The following THBS3 variants were observed in gnomAD, a reference collection of about 807,000 sequenced individuals.
THBS3 encodes thrombospondin 3.
In THBS3, 78 loss-of-function variants were observed where a neutral mutation model predicts 118.3. That is an observed-to-expected ratio of 0.66 (90% CI 0.55 to 0.80). The LOEUF (loss-of-function observed/expected upper bound fraction) is 0.80, where lower values mean the gene tolerates loss of function less well. Ranked by LOEUF, THBS3 falls within the 30% of genes least tolerant of loss-of-function variation. The pLI, the probability that THBS3 is intolerant of heterozygous loss-of-function variation, is 0.00. For synonymous variants in THBS3, 427 were observed against 475.3 expected, an observed-to-expected ratio of 0.90 and a Z score of 1.32; for missense variants, 1,057 against 1,247.4, an observed-to-expected ratio of 0.85 and a Z score of 2.30.
intron 21 of THBS3, 86 bp downstream of exon 21, chr1:155,196,955 A>G: frequency 1.5e-6 from 2 of 1,371,920 alleles, no homozygotes; most frequent in Non-Finnish European, 2.0e-6. Flanking sequence ...GTTCCCACCC[A>G]TGGAGAGGTC....
In THBS3 at chr1:155,201,129, G is replaced by C. The variant is rs756283825; in HGVS notation, c.1405C>G (p.Leu469Val). 1 of 1,614,230 alleles carries C rather than the reference G, an allele frequency of 6.2e-7. No individual in the cohort carries two copies. The highest frequency in any genetic ancestry group is 1.1e-5 in the South Asian group (1 of 91,092). Residue 469 changes from leucine (L) to valine (V), a missense_variant, in exon 12 of 23, where the codon CTG (leucine) becomes GTG (valine). Coordinates refer to ENST00000368378, the MANE Select transcript of THBS3 (RefSeq NM_007112.5). ...TDIDGYPDQALPCMDNNKHCK... is the reference protein window; with the variant it reads ...TDIDGYPDQAVPCMDNNKHCK... ...TGTTTGTTGTTGTCCATGCAGGGCAGTGCTTGGTCTGGGTAGCCATCGATG... is the reference window on the plus strand; with the variant it reads ...TGTTTGTTGTTGTCCATGCAGGGCACTGCTTGGTCTGGGTAGCCATCGATG...
chr1:155,207,407 C>T (rs1012052931), intron 1 of THBS3, among the ~76,000 whole-genome samples: 1 of 152,098 alleles, frequency 6.6e-6, no homozygotes, highest in African/African-American at 2.4e-5. Context: ...TTGGTCCCCA[C>T]CCCCGCCCTG....
chr1:155,202,566 C>T lies in THBS3; in HGVS notation c.958-165G>A, dbSNP rs1191234541. ...CCCCACTTCCCTCGGGGTTCCCTCT[C>T]TCCCTCCCCATGCCACTGGTCACCA... On this transcript the variant is annotated intron_variant, in intron 8 of 22. Transcript: ENST00000368378. The surrounding 1 kb of genome is among the most constrained non-coding windows in gnomAD (Gnocchi z 5.5). 2.0e-5 allele frequency: 23 copies of T among 1,154,744 alleles called. No individual in the cohort carries two copies. Among genetic ancestry groups the T allele is most frequent in the Non-Finnish European group, 2.7e-5 (23 of 839,022 alleles). The allele number at this position is 1,154,744 out of a possible 1,614,324, so 71.5% of individuals were successfully genotyped here.
In THBS3 at chr1:155,205,240, G is replaced by T; in HGVS notation, c.363C>A (p.Arg121=). The part of the protein sequence containing the change: ...NLQQAGLADG[R]THTVLLRLRG... ...GGAGTCGCAGGAGAACTGTGTGTGT[G>T]CGCCCATCAGCCAGGCCCGCTTGCT... The change falls in exon 3 of 23, where the codon CGC becomes CGA. Residue 121 remains arginine, a synonymous_variant. Transcript: ENST00000368378. 6.2e-7 allele frequency: 1 copy of T among 1,614,130 alleles called. No homozygotes were observed. Among genetic ancestry groups the T allele is most frequent in the Non-Finnish European group, 8.5e-7 (1 of 1,180,012 alleles).
Position 155,198,105 on chromosome 1 carries a change from C to G in THBS3, c.2190G>C (p.Gln730His), listed in dbSNP as rs1367431779. The change falls in exon 18 of 23, where the codon CAG (glutamine) becomes CAC (histidine). Residue 730 changes from glutamine (Q) to histidine (H), a missense_variant. Coordinates refer to ENST00000368378, the MANE Select transcript of THBS3 (RefSeq NM_007112.5). The part of the protein sequence containing the change: ...EVTLTDFRAY[Q>H]TVVLDPEGDA... ...CACCCTCAGGATCCAGGACGACGGT[C>G]TGATAGGCCCGAAAATCCGTAAGCG... 1.2e-6 allele frequency: 2 copies of G among 1,614,182 alleles called. No individual in the cohort carries two copies. The highest frequency in any genetic ancestry group is 4.5e-5 in the East Asian group (2 of 44,888).
At position 155,198,573 on chromosome 1, in the gene THBS3, T is replaced by C. The variant is rs1669088247; in HGVS notation, c.1910A>G (p.Asp637Gly). ...SDGDGHQDTK[D>G]NCPQLPNSSQ... ...GCTATTTGGCAGCTGTGGGCAGTTGTCCTTGGTGTCCTGATGCCCATCCCC... is the reference window on the plus strand; with the variant it reads ...GCTATTTGGCAGCTGTGGGCAGTTGCCCTTGGTGTCCTGATGCCCATCCCC... Residue 637 changes from aspartate to glycine, a missense_variant, in exon 17 of 23, where the codon GAC becomes GGC. Coordinates refer to ENST00000368378, the MANE Select transcript of THBS3 (RefSeq NM_007112.5). 1.2e-6 allele frequency: 2 copies of C among 1,614,184 alleles called. No individual in the cohort carries two copies. Among genetic ancestry groups the C allele is most frequent in the East Asian group, 4.5e-5 (2 of 44,886 alleles).
In THBS3 at chr1:155,200,927, A is replaced by G; in HGVS notation, c.1518T>C (p.Asp506=). ...CATTCTTGATCCCATCCCCATCAGC[A>G]TCATCATCACACTGGTCCCCCACAC... ...NDGVGDQCDD[D]ADGDGIKNVE... The change falls in exon 13 of 23, where the codon GAT becomes GAC. Residue 506 remains aspartate (D), a synonymous_variant. Transcript: ENST00000368378. 6.2e-7 allele frequency: 1 copy of G among 1,614,020 alleles called. No individual in the cohort carries two copies. Among genetic ancestry groups the G allele is most frequent in the Non-Finnish European group, 8.5e-7 (1 of 1,179,988 alleles).
chr1:155,202,151 A>G lies in THBS3; in HGVS notation c.1098+110T>C. ...AACATTAAGCCCAGACCCAAAGCCG[A>G]TGCAAAGCCATCCATGTCCCATTCA... On this transcript the variant is annotated intron_variant, in intron 9 of 22. Transcript: ENST00000368378. This position sits in a 1 kb window ranked among gnomAD's most constrained non-coding sequence, Gnocchi z 5.5. The G allele has an allele frequency of 6.3e-7, 1 of 1,598,024 alleles. No individual in the cohort carries two copies. Among genetic ancestry groups the G allele is most frequent in the Non-Finnish European group, 8.5e-7 (1 of 1,170,294 alleles).
At position 155,203,237 on chromosome 1, in the gene THBS3, C is replaced by G; in HGVS notation, c.742G>C (p.Asp248His). ...CCCACCCAAACCTGGTCTCGTATAT[C>G]ATCCCGCAGCTCCACCAGGATCTGG... ...FNQILVELRD[D>H]IRDQVKEMSL... Residue 248 changes from aspartate to histidine, a missense_variant, in exon 6 of 23, where the codon GAT becomes CAT. This residue lies in a region of THBS3 where 544 missense variants were observed against 715.6 expected (regional missense o/e 0.76). Coordinates refer to ENST00000368378, the MANE Select transcript of THBS3 (RefSeq NM_007112.5). 1 of 1,614,226 alleles carries G rather than the reference C, an allele frequency of 6.2e-7. No homozygotes were observed.
chr1:155,208,439 G>T (rs908971941), upstream of THBS3, among the ~76,000 whole-genome samples: 5 of 152,258 alleles, frequency 3.3e-5, no homozygotes, highest in African/African-American at 1.2e-4. Context: ...GAAAGCTTGG[G>T]AGTCTGGAAG....
Position 155,202,827 on chromosome 1 carries a change from GCAGTGGGTGCCGTTGCCCTGCAGGC to G in THBS3, c.917_941del (p.Gly306AlafsTer172). 6.2e-7 allele frequency: 1 copy of G among 1,612,590 alleles called. No individual in the cohort carries two copies. Among genetic ancestry groups the G allele is most frequent in the South Asian group, 1.1e-5 (1 of 90,978 alleles). ...CCTCCCTCACCTCATTGATGTCACT[GCAGTGGGTGCCGTTGCCCTGCAGGC>G]CAGGGGGGCAGGGCCCACAGCGGTA... On this transcript the variant is annotated frameshift_variant, in exon 8 of 23. Coordinates refer to ENST00000368378, the MANE Select transcript of THBS3 (RefSeq NM_007112.5). LOFTEE classifies it high-confidence loss of function. The surrounding 1 kb of genome is among the most constrained non-coding windows in gnomAD (Gnocchi z 5.5).
Position 155,198,025 on chromosome 1 carries a change from C to T in THBS3, c.2253+17G>A. On this transcript the variant is annotated intron_variant, in intron 18 of 22. Transcript: ENST00000368378. ...CCCTGTCTGATAGCACCTGCCCAGC[C>T]CACTGCCCCGAGTTACCTGGTTGAG... 1 of 1,614,172 alleles carries T rather than the reference C, an allele frequency of 6.2e-7. No individual in the cohort carries two copies. Among genetic ancestry groups the T allele is most frequent in the Non-Finnish European group, 8.5e-7 (1 of 1,180,016 alleles).
At position 155,199,976 on chromosome 1, in the gene THBS3, C is replaced by T; in HGVS notation, c.1827+19G>A. 1 of 1,601,924 alleles carries T rather than the reference C, an allele frequency of 6.2e-7. No individual in the cohort carries two copies. The highest frequency in any genetic ancestry group is 8.5e-7 in the Non-Finnish European group (1 of 1,173,190). On this transcript the variant is annotated intron_variant, in intron 15 of 22. Coordinates refer to ENST00000368378, the MANE Select transcript of THBS3 (RefSeq NM_007112.5). ...ATCAGTACCCTCATCCCTCCCCTGT[C>T]CTTACCATCTCCCTGTACCTGGGTA...
intron 16 of THBS3, 35 bp downstream of exon 16, chr1:155,199,769 A>G: frequency 6.2e-7 from 1 of 1,612,882 alleles, no homozygotes; most frequent in South Asian, 1.1e-5. Flanking sequence ...AGACAAAAAA[A>G]AGAAAGACCT....
chr1:155,205,158 C>T lies in THBS3; in HGVS notation c.445G>A (p.Asp149Asn), dbSNP rs754840864. The T allele has an allele frequency of 3.1e-6, 5 of 1,614,084 alleles. No individual in the cohort carries two copies. The Admixed American group carries it at 5.0e-5, about 16-fold the overall frequency. ...AGTGCTGGAAGGCCTGCATGTTGGT[C>T]ACCCAGTTTGCAGTCCACGTAGAGA... The part of the protein sequence containing the change: ...LHLYVDCKLG[D>N]QHAGLPALAP... Residue 149 changes from aspartate (D) to asparagine (N), a missense_variant, in exon 3 of 23, where the codon GAC becomes AAC. Around this residue, in one of 3 missense-constraint regions of THBS3, gnomAD observed 206 missense variants for 205.7 expected, o/e 1.00. Transcript: ENST00000368378.
chr1:155,203,578 G>A (rs766934924), intron 4 of THBS3, 39 bp from the exon 5 acceptor site: 3 of 1,611,320 alleles, frequency 1.9e-6, no homozygotes, highest in Non-Finnish European at 2.5e-6. Context: ...GGGGTGAGGT[G>A]AAGTGAAGAG....
intron 16 of THBS3, among the ~76,000 whole-genome samples, chr1:155,199,079 C>G (rs1436218151): frequency 6.6e-6 from 1 of 150,732 alleles, no homozygotes; most frequent in Non-Finnish European, 1.5e-5. Flanking sequence ...GATATCACTG[C>G]ACTCCAGCTT....
At position 155,202,989 on chromosome 1, in the gene THBS3, C is replaced by T. The variant is rs760588693; in HGVS notation, c.809-29G>A. On this transcript the variant is annotated intron_variant, in intron 7 of 22. Coordinates refer to ENST00000368378, the MANE Select transcript of THBS3 (RefSeq NM_007112.5). This position sits in a 1 kb window ranked among gnomAD's most constrained non-coding sequence, Gnocchi z 5.5. Reference sequence around the variant, plus strand: ...AGGGGTGGACACAGTCAGAGCTACCCGGTGGTCACTATTTAAGCCACCAGA... The same window carrying T: ...AGGGGTGGACACAGTCAGAGCTACCTGGTGGTCACTATTTAAGCCACCAGA... 7 of 1,613,680 alleles carry T rather than the reference C, an allele frequency of 4.3e-6. No individual in the cohort carries two copies. The highest frequency in any genetic ancestry group is 2.7e-5 in the African/African-American group (2 of 75,010).
At chr1:155,196,452 TC>T (rs1668689637) in intron 21 of THBS3, 1 of 354,080 alleles carries the variant, frequency 2.8e-6, no homozygotes, top group East Asian at 5.4e-5. Flanking sequence ...CCCCCTTTTA[TC>T]CCCTGTCCTG....
Sources: gnomAD v4.1 joint callset for allele counts (sites outside exome capture counted in the v4.1 genomes callset) on GRCh38, gnomAD v4.1.1 for gene constraint, gnomAD v4.1.1 regional missense constraint, Gnocchi (gnomAD v3.1) non-coding constraint, MANE v1.5 for transcripts, NCBI Gene and HGNC (gene_info 2026-07-23, HGNC 2026-07-21) for gene names.